CDH8: variants seen among roughly 807,000 people sequenced by gnomAD.
CDH8 encodes cadherin 8.
In CDH8, 17 loss-of-function variants were observed where a neutral mutation model predicts 68.1. That is an observed-to-expected ratio of 0.25 (90% CI 0.17 to 0.37). The LOEUF is 0.37. CDH8 is among the 10% of genes least tolerant of loss of function. The pLI, the probability that CDH8 is intolerant of heterozygous loss-of-function variation, is 1.00. For synonymous variants in CDH8, 372 were observed against 365.1 expected (o/e 1.02, Z -0.21); for missense variants, 763 against 999.3 (o/e 0.76, Z 3.19).
rs1567461041 is a variant in CDH8 at position 61,768,311 on chromosome 16, C to CTCTCTCTCT, written c.1414+21034_1414+21035insAGAGAGAGA. Among the ~76,000 whole-genome samples, 33 of 16,394 alleles carry CTCTCTCTCT rather than the reference C, an allele frequency of 2.0e-3. 1 individual carries two copies. The highest frequency in any genetic ancestry group is 4.2e-3 in the East Asian group (2 of 476). 10.8% of individuals were successfully genotyped at this position (16,394 alleles called of 152,430 possible). ...TTCAGGCTCTCTCTCTGTGTCTCTCCCTTTCTCTCTCTCTCTCTCTCTCTC... is the reference window on the plus strand; with the variant it reads ...TTCAGGCTCTCTCTCTGTGTCTCTCCTCTCTCTCTCTTTCTCTCTCTCTCTCTCTCTCTC... On this transcript the variant is annotated intron_variant, in intron 8 of 11. Transcript: ENST00000577390.
chr16:61,977,680 T>C (rs1965461048), intron 2 of CDH8, among the ~76,000 whole-genome samples: 1 of 152,140 alleles, frequency 6.6e-6, no homozygotes, highest in Non-Finnish European at 1.5e-5. Context: ...TTTCCTTATA[T>C]GTAAGTCAAG....
chr16:61,842,122 T>C (rs1172775635), intron 4 of CDH8, among the ~76,000 whole-genome samples: 1 of 150,516 alleles, frequency 6.6e-6, no homozygotes, highest in Non-Finnish European at 1.5e-5. Context: ...CTAGCCAGGA[T>C]GGTCTCGATT....
At position 61,813,954 on chromosome 16, in the gene CDH8, G is replaced by GA. The variant is rs953277829; in HGVS notation, c.1277+3524dup. ...GACTATTTAGCCTATAGCTGTCAAA[G>GA]AAAAAACACAATTCTGCACACAGCC... On this transcript the variant is annotated intron_variant, in intron 7 of 11. Transcript: ENST00000577390. Among the ~76,000 whole-genome samples, 29 of 152,092 alleles carry GA rather than the reference G, an allele frequency of 1.9e-4. 1 individual carries two copies. Among genetic ancestry groups the GA allele is most frequent in the African/African-American group, 5.3e-4 (22 of 41,428 alleles).
intron 7 of CDH8, among the ~76,000 whole-genome samples, chr16:61,803,881 AC>A (rs1482061191): frequency 7.5e-6 from 1 of 133,820 alleles, no homozygotes; most frequent in Non-Finnish European, 1.6e-5. Context: ...AGACTTTAAC[AC>A]CCCACTGTCA....
At chr16:61,883,517 T>A (rs1487364259) in intron 3 of CDH8, among the ~76,000 whole-genome samples, 1 of 152,120 alleles carries the variant, frequency 6.6e-6, no homozygotes. Flanking sequence ...TATTTCATTT[T>A]TTAATCTGGC....
chr16:61,764,486 A>G (rs1243858909), intron 8 of CDH8, among the ~76,000 whole-genome samples: 2 of 152,104 alleles, frequency 1.3e-5, no homozygotes, highest in East Asian at 1.9e-4. Context: ...TTCATATTCA[A>G]TTCCTGATGC....
chr16:61,962,754 C>T (rs1757071392), intron 2 of CDH8, among the ~76,000 whole-genome samples: 2 of 152,176 alleles, frequency 1.3e-5, no homozygotes, highest in South Asian at 4.1e-4. Context: ...TTCTTCACAT[C>T]CAACCTCCCA....
At chr16:61,768,367 T>TCTCTCTCTCTCTCTCTCTCTCTCTCTCC (rs1567461178) in intron 8 of CDH8, among the ~76,000 whole-genome samples, 1 of 80,620 alleles carries the variant, frequency 1.2e-5, no homozygotes, top group Admixed American at 1.3e-4. Context: ...TCTCTCTCTC[T>TCTCTCTCTCTCTCTCTCTCTCTCTCTCC]CCCTTTCTCT....
rs57232370 is a variant in CDH8, at chr16:61,917,062, A to AGTGTGTGT, written c.253-15597_253-15590dup. 3.1e-3 allele frequency among the ~76,000 whole-genome samples: 424 copies of AGTGTGTGT among 137,382 alleles called. 3 individuals carry two copies. Among genetic ancestry groups the AGTGTGTGT allele is most frequent in the Middle Eastern group, 7.4e-3 (2 of 272 alleles). The allele number at this position is 137,382 out of a possible 152,430, so 90.1% of individuals were successfully genotyped here. A position where few individuals can be genotyped will look rare whatever the true frequency, so the allele number is the denominator to read the frequency against. On this transcript the variant is annotated intron_variant, in intron 2 of 11. Coordinates refer to ENST00000577390, the MANE Select transcript of CDH8 (RefSeq NM_001796.5). Reference sequence around the variant, plus strand: ...GCATTGCACAAATTATTTACCTATTAGTGTGTGTGTGTGTGTGTGTGTGTG... The same window carrying AGTGTGTGT: ...GCATTGCACAAATTATTTACCTATTAGTGTGTGTGTGTGTGTGTGTGTGTGTGTGTGTG...
intron 2 of CDH8, among the ~76,000 whole-genome samples, chr16:61,991,377 G>A (rs930085248): frequency 1.3e-5 from 2 of 152,138 alleles, no homozygotes; most frequent in Non-Finnish European, 2.9e-5. Flanking sequence ...AAAGGCATCA[G>A]GAATGTAAGT....
At position 61,741,665 on chromosome 16, in the gene CDH8, T is replaced by C. The variant is rs72796893; in HGVS notation, c.1415-14450A>G. 6.1e-3 allele frequency among the ~76,000 whole-genome samples: 929 copies of C among 152,280 alleles called. 6 individuals are homozygous for C. The highest frequency in any genetic ancestry group is 0.011 in the Non-Finnish European group (715 of 67,992). On this transcript the variant is annotated intron_variant, in intron 8 of 11. Transcript: ENST00000577390. ...ATCTTTGTTATAATTCAGTTGAGCA[T>C]TTTCTCTGCAGGCCTATTTCTGAAG...
chr16:62,012,027 G>A (rs1346161311), intron 2 of CDH8, among the ~76,000 whole-genome samples: 1 of 152,194 alleles, frequency 6.6e-6, no homozygotes, highest in Non-Finnish European at 1.5e-5. Flanking sequence ...TGTGCATGCA[G>A]GTGGGTGAAC....
chr16:61,687,954 C>A (rs1325295560), intron 10 of CDH8, among the ~76,000 whole-genome samples: 1 of 152,026 alleles, frequency 6.6e-6, no homozygotes, highest in Admixed American at 6.6e-5. Context: ...TGAGGAAAGT[C>A]ATCAGCATCC....
At chr16:61,768,314 TTCTCTCTCTCTCTCTCTCTCTC>T (rs1206629963) in intron 8 of CDH8, among the ~76,000 whole-genome samples, 3 of 17,196 alleles carry the variant, frequency 1.7e-4, no homozygotes, top group Non-Finnish European at 2.2e-4. Context: ...GTCTCTCCCT[TTCTCTCTCTCTCTCTCTCTCTC>T]TCTCTCTCTC....
intron 2 of CDH8, among the ~76,000 whole-genome samples, chr16:62,011,594 ATTGGCTGATTTCCCAAAAAC>A (rs1304004272): frequency 6.6e-6 from 1 of 152,170 alleles, no homozygotes; most frequent in African/African-American, 2.4e-5. Flanking sequence ...TTGATTGATG[ATTGGCTGATTTCCCAAAAAC>A]TAAATGTGTA....
chr16:61,960,359 A>G lies in CDH8; in HGVS notation c.253-58886T>C, dbSNP rs563625194. ...CACACATATATACATGTGTGTGTGT[A>G]TACACATACATATATACATGTGTGT... On this transcript the variant is annotated intron_variant, in intron 2 of 11. Transcript: ENST00000577390. 5.3e-5 allele frequency among the ~76,000 whole-genome samples: 5 copies of G among 95,006 alleles called. 1 individual carries two copies. The highest frequency in any genetic ancestry group is 9.8e-5 in the Non-Finnish European group (5 of 51,040). 62.3% of individuals were successfully genotyped at this position (95,006 alleles called of 152,430 possible).
At chr16:61,672,974 C>A (rs1963827831) in intron 10 of CDH8, among the ~76,000 whole-genome samples, 1 of 152,074 alleles carries the variant, frequency 6.6e-6, no homozygotes, top group Non-Finnish European at 1.5e-5. Flanking sequence ...GAACTTACAT[C>A]TTTCTACATC....
chr16:61,662,452 TG>T (rs2142758411), intron 10 of CDH8, among the ~76,000 whole-genome samples: 1 of 151,716 alleles, frequency 6.6e-6, no homozygotes, highest in East Asian at 1.9e-4. Flanking sequence ...AGAGAGGAAA[TG>T]ATCACTGAAT....
At chr16:61,782,241 G>T (rs953591013) in intron 8 of CDH8, among the ~76,000 whole-genome samples, 1 of 152,122 alleles carries the variant, frequency 6.6e-6, no homozygotes, top group Non-Finnish European at 1.5e-5. Flanking sequence ...CGCACCGTCC[G>T]CGAGCCGAAG....
Sources: gnomAD v4.1 joint callset for allele counts (sites outside exome capture counted in the v4.1 genomes callset) on GRCh38, gnomAD v4.1.1 for gene constraint, MANE v1.5 for transcripts, NCBI Gene and HGNC (gene_info 2026-07-23, HGNC 2026-07-21) for gene names.